Variants in ZBTB7A observed in about 807,000 individuals in gnomAD.
ZBTB7A encodes zinc finger and BTB domain containing 7A, also known as zinc finger and BTB domain-containing protein 7A.
A neutral mutation model predicts 26.7 loss-of-function variants in ZBTB7A; 7 were observed. That is an observed-to-expected ratio of 0.26 (90% CI 0.15 to 0.49). ZBTB7A has a LOEUF of 0.49. ZBTB7A is among the 20% of genes least tolerant of loss of function. ZBTB7A has a pLI of 0.98. For synonymous variants in ZBTB7A, 452 were observed against 441.0 expected, an observed-to-expected ratio of 1.02 and a Z score of -0.31; for missense variants, 617 against 919.5, an observed-to-expected ratio of 0.67 and a Z score of 4.25.
At chr19:4,056,772 C>G (rs1199669266) in intron 1 of ZBTB7A, among the ~76,000 whole-genome samples, 1 of 151,938 alleles carries the variant, frequency 6.6e-6, no homozygotes, top group Non-Finnish European at 1.5e-5. Context: ...GAGGCTGAGG[C>G]GGGAGAATCG....
intron 1 of ZBTB7A, among the ~76,000 whole-genome samples, chr19:4,063,506 C>T (rs983689858): frequency 2.0e-5 from 3 of 152,192 alleles, no homozygotes; most frequent in Admixed American, 6.5e-5. Context: ...AGGGCCTGCC[C>T]GGTGAGGCAG....
chr19:4,066,165 T>G (rs2040694233), intron 1 of ZBTB7A, among the ~76,000 whole-genome samples: 2 of 31,800 alleles, frequency 6.3e-5, no homozygotes, highest in African/African-American at 1.2e-4. Flanking sequence ...TCCCCCTCCT[T>G]TCCGAAGCCC....
At chr19:4,066,039 G>C (rs1208533327) in intron 1 of ZBTB7A, among the ~76,000 whole-genome samples, 1 of 149,650 alleles carries the variant, frequency 6.7e-6, no homozygotes, top group Non-Finnish European at 1.5e-5. Flanking sequence ...TCGGCGCGGG[G>C]CACCCTGGGA....
chr19:4,061,503 T>A (rs992028166), intron 1 of ZBTB7A: 3 of 152,100 alleles, frequency 2.0e-5, no homozygotes, highest in African/African-American at 7.2e-5. Context: ...AGTGTCCCGA[T>A]CGGGGGGCAC....
At chr19:4,053,652 T>C (rs551326196) in intron 2 of ZBTB7A, among the ~76,000 whole-genome samples, 1 of 150,822 alleles carries the variant, frequency 6.6e-6, no homozygotes, top group East Asian at 2.0e-4. Context: ...TGTGTCTGTG[T>C]AGCATGTCTG....
intron 1 of ZBTB7A, among the ~76,000 whole-genome samples, chr19:4,060,126 G>A (rs574914518): frequency 3.3e-5 from 5 of 150,322 alleles, no homozygotes; most frequent in Admixed American, 3.3e-4. Context: ...GTGCTGACTC[G>A]GCGGCCGAGG....
intron 1 of ZBTB7A, among the ~76,000 whole-genome samples, chr19:4,059,644 C>G: frequency 6.6e-6 from 1 of 152,072 alleles, no homozygotes; most frequent in South Asian, 2.1e-4. Flanking sequence ...GCCGGTCCCC[C>G]CACCCACCCA....
At position 4,047,579 on chromosome 19, in the gene ZBTB7A, A is replaced by C; in HGVS notation, c.*173T>G. ...AAGGAGGGAAATCTGAGAAAGCGCT[A>C]CCCTAGATTCTGTGACGCGTCATAT... On this transcript the variant is annotated 3_prime_UTR_variant, in exon 3 of 3. Coordinates refer to ENST00000322357, the MANE Select transcript of ZBTB7A (RefSeq NM_015898.4). The C allele has an allele frequency of 3.8e-6, 2 of 521,710 alleles. No homozygotes were observed. The highest frequency in any genetic ancestry group is 5.6e-6 in the Non-Finnish European group (2 of 359,422). 32.3% of individuals were successfully genotyped at this position (521,710 alleles called of 1,614,324 possible).
At position 4,048,333 on chromosome 19, in the gene ZBTB7A, G is replaced by A; in HGVS notation, c.1263-89C>T. On this transcript the variant is annotated intron_variant, in intron 2 of 2. Coordinates refer to ENST00000322357, the MANE Select transcript of ZBTB7A (RefSeq NM_015898.4). This position sits in a 1 kb window ranked among gnomAD's most constrained non-coding sequence, Gnocchi z 6.7. The stretch of plus-strand genomic sequence containing the variant: ...GACCCTCACGGACACGGCAGGCCCT[G>A]GATCATCACCCTTGCAGAACACGGA... 3 of 1,431,752 alleles carry A rather than the reference G, an allele frequency of 2.1e-6. No individual in the cohort carries two copies. The African/African-American group carries it at 4.4e-5, about 21-fold the overall frequency. The allele number at this position is 1,431,752 out of a possible 1,614,324, so 88.7% of individuals were successfully genotyped here.
rs1329128150 is a variant in ZBTB7A, at chr19:4,048,766, T to TC, written c.1263-523dup. ...TATTAGGAAGGCTGAGGCAGGAGGA[T>TC]CACTTGTATCTGGGAGGTGGAGGTT... On this transcript the variant is annotated intron_variant, in intron 2 of 2. Transcript: ENST00000322357. This position sits in a 1 kb window ranked among gnomAD's most constrained non-coding sequence, Gnocchi z 6.7. Among the ~76,000 whole-genome samples, 3 of 151,502 alleles carry TC rather than the reference T, an allele frequency of 2.0e-5. No individual in the cohort carries two copies. The highest frequency in any genetic ancestry group is 4.4e-5 in the Non-Finnish European group (3 of 67,870).
chr19:4,049,168 G>GTGTGTGTGTATATATATATA (rs1403864466), intron 2 of ZBTB7A, among the ~76,000 whole-genome samples: 2 of 14,954 alleles, frequency 1.3e-4, no homozygotes, highest in Non-Finnish European at 2.3e-4. Context: ...GTGTGTGTGT[G>GTGTGTGTGTATATATATATA]TATATATATA....
At chr19:4,050,426 GAGAAGGC>G (rs2040490029) in intron 2 of ZBTB7A, among the ~76,000 whole-genome samples, 1 of 152,062 alleles carries the variant, frequency 6.6e-6, no homozygotes, top group Non-Finnish European at 1.5e-5. Context: ...TGTGAGCCCC[GAGAAGGC>G]AGGGGTTGGG....
intron 1 of ZBTB7A, among the ~76,000 whole-genome samples, chr19:4,062,491 C>T (rs771622750): frequency 5.3e-5 from 8 of 152,168 alleles, no homozygotes; most frequent in Non-Finnish European, 8.8e-5. Context: ...AAACGGGGAA[C>T]GGGATCAGAG....
chr19:4,059,673 G>A (rs74753700), intron 1 of ZBTB7A, among the ~76,000 whole-genome samples: 8,855 of 151,912 alleles, frequency 0.058, 828 homozygotes, highest in African/African-American at 0.2. Context: ...CCCTGCCCTC[G>A]CCCTGGAAAC....
intron 1 of ZBTB7A, chr19:4,062,326 G>C (rs900450299): frequency 6.6e-5 from 10 of 152,366 alleles, no homozygotes; most frequent in African/African-American, 2.4e-4. Context: ...TCTGCGCTTT[G>C]GGGCTCTGGA....
At chr19:4,055,700 G>A (rs1194766222) in intron 1 of ZBTB7A, among the ~76,000 whole-genome samples, 1 of 152,156 alleles carries the variant, frequency 6.6e-6, no homozygotes, top group Non-Finnish European at 1.5e-5. Flanking sequence ...GCGGGGGCCT[G>A]TAGTTCCAGC....
intron 2 of ZBTB7A, among the ~76,000 whole-genome samples, chr19:4,053,495 G>A (rs1237916179): frequency 4.7e-5 from 4 of 86,002 alleles, no homozygotes; most frequent in Middle Eastern, 4.8e-3. Flanking sequence ...ATCTGTGTGC[G>A]TGCCTGGGTG....
At position 4,052,869 on chromosome 19, in the gene ZBTB7A, G is replaced by T. The variant is rs1020967521; in HGVS notation, c.1262+1102C>A. The stretch of plus-strand genomic sequence containing the variant: ...GAGCTGGCCTCAGGGCCTCTGCACT[G>T]GCTGTTCCCTCTGCCTGGAACGCCC... On this transcript the variant is annotated intron_variant, in intron 2 of 2. Coordinates refer to ENST00000322357, the MANE Select transcript of ZBTB7A (RefSeq NM_015898.4). The surrounding 1 kb of genome is among the most constrained non-coding windows in gnomAD (Gnocchi z 4.9). 3.3e-5 allele frequency among the ~76,000 whole-genome samples: 5 copies of T among 152,194 alleles called. No homozygotes were observed. Among genetic ancestry groups the T allele is most frequent in the African/African-American group, 1.2e-4 (5 of 41,450 alleles).
chr19:4,063,960 G>A (rs1291461397), intron 1 of ZBTB7A, among the ~76,000 whole-genome samples: 4 of 152,198 alleles, frequency 2.6e-5, no homozygotes, highest in African/African-American at 9.7e-5. Flanking sequence ...GCCACCAGGT[G>A]GACCCAGCTA....
Sources: gnomAD v4.1 joint callset for allele counts (sites outside exome capture counted in the v4.1 genomes callset) on GRCh38, gnomAD v4.1.1 for gene constraint, Gnocchi (gnomAD v3.1) non-coding constraint, MANE v1.5 for transcripts, NCBI Gene and HGNC (gene_info 2026-07-23, HGNC 2026-07-21) for gene names.